Variants in PRKD1 observed in about 807,000 individuals in gnomAD.
The protein encoded by PRKD1 is serine/threonine-protein kinase D1.
A neutral mutation model predicts 95.9 loss-of-function variants in PRKD1; 63 were observed. That is an observed-to-expected ratio of 0.66 (90% CI 0.54 to 0.81). PRKD1 has a LOEUF of 0.81. PRKD1 is among the 30% of genes least tolerant of loss of function. PRKD1 has a pLI of 0.00. For synonymous variants in PRKD1, 425 were observed against 423.1 expected, an observed-to-expected ratio of 1.00 and a Z score of -0.05; for missense variants, 1,048 against 1,165.3, an observed-to-expected ratio of 0.90 and a Z score of 1.47.
At chr14:29,711,197 T>C (rs1233578043) in intron 2 of PRKD1, among the ~76,000 whole-genome samples, 1 of 152,168 alleles carries the variant, frequency 6.6e-6, no homozygotes, top group African/African-American at 2.4e-5. Flanking sequence ...TATAATTAAA[T>C]ATTTTTCATT....
At chr14:29,805,797 T>C (rs1047036840) in intron 1 of PRKD1, among the ~76,000 whole-genome samples, 3 of 152,196 alleles carry the variant, frequency 2.0e-5, no homozygotes, top group Admixed American at 6.5e-5. Flanking sequence ...CTCTAGAACA[T>C]GATCACTTTT....
At position 29,636,576 on chromosome 14, in the gene PRKD1, A is replaced by C. The variant is rs116091640; in HGVS notation, c.986-82T>G. On this transcript the variant is annotated intron_variant, in intron 6 of 17. Coordinates refer to ENST00000331968, the MANE Select transcript of PRKD1 (RefSeq NM_002742.3). ...AGAGACAGTCAGGTGATCCTAAAACAAATCAATTGGAAGCCCCAAAGAGGT... is the reference window on the plus strand; with the variant it reads ...AGAGACAGTCAGGTGATCCTAAAACCAATCAATTGGAAGCCCCAAAGAGGT... 1.7e-3 allele frequency: 2,388 copies of C among 1,384,284 alleles called. 42 individuals are homozygous for C. The African/African-American group carries it at 0.031, about 18-fold the overall frequency. 85.8% of individuals were successfully genotyped at this position (1,384,284 alleles called of 1,614,324 possible). A position where few individuals can be genotyped will look rare whatever the true frequency, so the allele number is the denominator to read the frequency against.
At chr14:29,851,585 G>A (rs528956451) in intron 1 of PRKD1, among the ~76,000 whole-genome samples, 2 of 152,208 alleles carry the variant, frequency 1.3e-5, no homozygotes, top group African/African-American at 4.8e-5. Context: ...AAAAATAACA[G>A]ATGCTAACAA....
At chr14:29,803,522 T>C (rs1490047353) in intron 1 of PRKD1, among the ~76,000 whole-genome samples, 1 of 152,150 alleles carries the variant, frequency 6.6e-6, no homozygotes, top group Non-Finnish European at 1.5e-5. Context: ...AAATGACCCA[T>C]GAATTGCAAC....
chr14:29,823,123 A>G (rs1890980577), intron 1 of PRKD1, among the ~76,000 whole-genome samples: 2 of 152,134 alleles, frequency 1.3e-5, no homozygotes, highest in South Asian at 4.1e-4. Context: ...TGAATATACT[A>G]TGTGTGAATC....
intron 1 of PRKD1, among the ~76,000 whole-genome samples, chr14:29,821,337 TCA>T (rs1890904479): frequency 6.6e-6 from 1 of 152,148 alleles, no homozygotes; most frequent in Non-Finnish European, 1.5e-5. Flanking sequence ...CCGTGGTAAC[TCA>T]GAGTACACAG....
rs568891654 is a variant in PRKD1 at position 29,712,410 on chromosome 14, G to C, written c.403+13126C>G. ...GGAAAATAAAAATAGAATAAGATGA[G>C]ACCCAGGGTTAGCCAGAAATTTTTC... is the stretch of plus-strand genomic sequence containing the variant. On this transcript the variant is annotated intron_variant, in intron 2 of 17. Coordinates refer to ENST00000331968, the MANE Select transcript of PRKD1 (RefSeq NM_002742.3). 1.5e-3 allele frequency among the ~76,000 whole-genome samples: 223 copies of C among 152,172 alleles called. 1 individual carries two copies. Among genetic ancestry groups the C allele is most frequent in the African/African-American group, 4.8e-3 (200 of 41,532 alleles).
intron 14 of PRKD1, among the ~76,000 whole-genome samples, chr14:29,599,354 A>G (rs1250854475): frequency 6.6e-6 from 1 of 152,216 alleles, no homozygotes; most frequent in Non-Finnish European, 1.5e-5. Context: ...AAAGACCTAT[A>G]TCTAACAGGG....
At chr14:29,759,480 T>A (rs45527935) in intron 1 of PRKD1, among the ~76,000 whole-genome samples, 2 of 152,184 alleles carry the variant, frequency 1.3e-5, no homozygotes, top group Non-Finnish European at 2.9e-5. Context: ...CCTTAAACAC[T>A]GTCATAACAT....
intron 2 of PRKD1, among the ~76,000 whole-genome samples, chr14:29,700,641 G>A (rs1352406492): frequency 1.3e-5 from 2 of 152,106 alleles, no homozygotes; most frequent in Non-Finnish European, 2.9e-5. Context: ...CAGATATCTG[G>A]TCAAACATTA....
intron 16 of PRKD1, among the ~76,000 whole-genome samples, chr14:29,581,133 T>C (rs540544035): frequency 1.3e-5 from 2 of 152,276 alleles, no homozygotes; most frequent in African/African-American, 4.8e-5. Context: ...TATATGACAG[T>C]TCTTTACATC....
chr14:29,621,171 A>G (rs1402245090), intron 13 of PRKD1, among the ~76,000 whole-genome samples: 1 of 128,276 alleles, frequency 7.8e-6, no homozygotes, highest in Non-Finnish European at 1.6e-5. Flanking sequence ...GAAGGGGAAC[A>G]TCACACTCTG....
intron 9 of PRKD1, among the ~76,000 whole-genome samples, chr14:29,631,316 G>C (rs1415480032): frequency 6.6e-6 from 1 of 152,074 alleles, no homozygotes; most frequent in East Asian, 1.9e-4. Flanking sequence ...CCAAGACTTA[G>C]AAAATAAGCG....
At chr14:29,789,283 C>A (rs1889424092) in intron 1 of PRKD1, among the ~76,000 whole-genome samples, 1 of 152,056 alleles carries the variant, frequency 6.6e-6, no homozygotes, top group Admixed American at 6.6e-5. Flanking sequence ...TTATTGTGAA[C>A]CTTTGGAGGT....
chr14:29,714,167 T>G (rs771052280), intron 2 of PRKD1, among the ~76,000 whole-genome samples: 1 of 152,134 alleles, frequency 6.6e-6, no homozygotes, highest in Non-Finnish European at 1.5e-5. Flanking sequence ...AGAGTAATAT[T>G]TCTCATAAAA....
chr14:29,577,041 AAC>A lies in PRKD1; in HGVS notation c.*195_*196del. On this transcript the variant is annotated 3_prime_UTR_variant, in exon 18 of 18. Coordinates refer to ENST00000331968, the MANE Select transcript of PRKD1 (RefSeq NM_002742.3). ...TGTTTCAGGGAACTTTTGTTAATAC[AAC>A]ACAGTTGGTCACACAAAATACAAAT... The A allele has an allele frequency of 3.2e-6, 2 of 627,886 alleles. No individual in the cohort carries two copies. The highest frequency in any genetic ancestry group is 2.0e-5 in the South Asian group (1 of 49,672). 38.9% of individuals were successfully genotyped at this position (627,886 alleles called of 1,614,324 possible).
intron 2 of PRKD1, among the ~76,000 whole-genome samples, chr14:29,675,645 T>C (rs1352325879): frequency 5.9e-5 from 9 of 152,076 alleles, no homozygotes; most frequent in Non-Finnish European, 1.0e-4. Context: ...ACCCAAAGGA[T>C]TATAAATCAT....
chr14:29,744,647 A>G (rs1045526593), intron 1 of PRKD1, among the ~76,000 whole-genome samples: 1 of 152,128 alleles, frequency 6.6e-6, no homozygotes, highest in African/African-American at 2.4e-5. Context: ...CCCGGGTTCA[A>G]GTGATTATCC....
At chr14:29,647,851 C>G (rs538471184) in intron 4 of PRKD1, among the ~76,000 whole-genome samples, 1 of 152,098 alleles carries the variant, frequency 6.6e-6, no homozygotes, top group African/African-American at 2.4e-5. Context: ...GACTGAGCAC[C>G]GGACAAAGAA....
Sources: allele counts gnomAD v4.1 joint callset (sites outside exome capture counted in the v4.1 genomes callset), GRCh38; gene constraint gnomAD v4.1.1; transcripts MANE v1.5; gene names NCBI Gene and HGNC (gene_info 2026-07-23, HGNC 2026-07-21).